The following DLG2 variants were observed in gnomAD, a reference collection of about 807,000 sequenced individuals.
The protein encoded by DLG2 is disks large homolog 2.
DLG2 carries 45 observed loss-of-function variants against 132.5 expected under a neutral mutation model. That is an observed-to-expected ratio of 0.34 (90% CI 0.27 to 0.44). DLG2 has a LOEUF of 0.44. Among genes scored for constraint, DLG2 ranks in the 20% least tolerant of loss-of-function variants. The probability of loss-of-function intolerance (pLI) is 1.00; values close to 1 mark genes in which losing one functional copy is unlikely to be tolerated. For synonymous variants in DLG2, 424 were observed against 419.6 expected (o/e 1.01, Z -0.13); for missense variants, 1,045 against 1,196.9 (o/e 0.87, Z 1.87).
At chr11:83,654,512 C>T (rs1226486673) in intron 18 of DLG2, among the ~76,000 whole-genome samples, 1 of 152,190 alleles carries the variant, frequency 6.6e-6, no homozygotes, top group Non-Finnish European at 1.5e-5. Context: ...TTACCATTTT[C>T]TCTTCCTGAG....
At chr11:83,844,380 A>G (rs1176520213) in intron 16 of DLG2, among the ~76,000 whole-genome samples, 1 of 57,868 alleles carries the variant, frequency 1.7e-5, no homozygotes, top group Non-Finnish European at 3.1e-5. Flanking sequence ...CTCCATCTCT[A>G]TTGAAAAAAA....
At chr11:83,864,788 A>G (rs147823297) in intron 16 of DLG2, among the ~76,000 whole-genome samples, 55 of 151,760 alleles carry the variant, frequency 3.6e-4, no homozygotes, top group African/African-American at 1.3e-3. Flanking sequence ...GGAATTTAAG[A>G]GTCTCTGAGG....
intron 4 of DLG2, among the ~76,000 whole-genome samples, chr11:85,278,162 G>A (rs1322390172): frequency 6.6e-6 from 1 of 152,164 alleles, no homozygotes; most frequent in Non-Finnish European, 1.5e-5. Context: ...TCAGACACAT[G>A]TTTATTAATC....
At chr11:83,795,062 T>G (rs915198051) in intron 17 of DLG2, among the ~76,000 whole-genome samples, 24 of 152,180 alleles carry the variant, frequency 1.6e-4, no homozygotes, top group African/African-American at 5.3e-4. Context: ...CTAGAACAAT[T>G]TCATTTATTG....
At chr11:83,609,192 G>C (rs1447231390) in intron 19 of DLG2, among the ~76,000 whole-genome samples, 3 of 152,180 alleles carry the variant, frequency 2.0e-5, no homozygotes, top group Non-Finnish European at 4.4e-5. Flanking sequence ...GGCACAAATG[G>C]CCTACAAATT....
At chr11:85,421,420 CT>C (rs879386240) in intron 3 of DLG2, among the ~76,000 whole-genome samples, 352 of 145,268 alleles carry the variant, frequency 2.4e-3, no homozygotes, top group Non-Finnish European at 2.2e-3. Context: ...ATCCCTCCCC[CT>C]TTTTTTTTTT....
intron 3 of DLG2, among the ~76,000 whole-genome samples, chr11:85,363,091 T>C (rs530564706): frequency 6.6e-6 from 1 of 152,334 alleles, no homozygotes; most frequent in African/African-American, 2.4e-5. Context: ...TTGTGATTTC[T>C]GGAGCAGTGG....
intron 6 of DLG2, among the ~76,000 whole-genome samples, chr11:84,821,964 T>C (rs570996198): frequency 3.3e-5 from 5 of 150,084 alleles, no homozygotes; most frequent in African/African-American, 1.2e-4. Context: ...ATTCAAAATA[T>C]CCTATAAAAA....
intron 3 of DLG2, among the ~76,000 whole-genome samples, chr11:85,424,387 T>C (rs997485002): frequency 2.6e-5 from 4 of 152,196 alleles, no homozygotes; most frequent in African/African-American, 9.7e-5. Flanking sequence ...CTTCATATGC[T>C]GCTCTGTCCA....
rs116968639 is a variant in DLG2, at chr11:83,599,630, G to A, written c.1940+33581C>T. Among the ~76,000 whole-genome samples, 7 of 152,152 alleles carry A rather than the reference G, an allele frequency of 4.6e-5. No individual in the cohort carries two copies. In the East Asian group the frequency reaches 1.4e-3, roughly 29 times the overall value. The stretch of plus-strand genomic sequence containing the variant: ...GCTCTTCATAACAGCGTAATACTGT[G>A]GAATTACCTGTGTAACTCCCACCGC... On this transcript the variant is annotated intron_variant, in intron 19 of 27. Transcript: ENST00000376104.
chr11:85,470,088 G>A (rs893249036), intron 3 of DLG2, among the ~76,000 whole-genome samples: 3 of 150,838 alleles, frequency 2.0e-5, no homozygotes, highest in Admixed American at 2.0e-4. Flanking sequence ...ATCTCACCAA[G>A]CTTTTGCATT....
At chr11:85,264,523 C>T (rs1320041553) in intron 4 of DLG2, among the ~76,000 whole-genome samples, 1 of 152,146 alleles carries the variant, frequency 6.6e-6, no homozygotes, top group Non-Finnish European at 1.5e-5. Flanking sequence ...TCATTAGATA[C>T]ATTTTTGATT....
At chr11:84,813,266 G>A (rs2076763539) in intron 6 of DLG2, among the ~76,000 whole-genome samples, 1 of 151,966 alleles carries the variant, frequency 6.6e-6, no homozygotes, top group Non-Finnish European at 1.5e-5. Context: ...GTAACACTAT[G>A]AGAGGTTGCC....
chr11:85,137,282 C>T (rs2076195552), intron 5 of DLG2, among the ~76,000 whole-genome samples: 1 of 152,084 alleles, frequency 6.6e-6, no homozygotes, highest in South Asian at 2.1e-4. Context: ...ATCTGAAGTA[C>T]TGGGGTAAAT....
chr11:84,074,255 C>T (rs187401556), intron 10 of DLG2, among the ~76,000 whole-genome samples: 17 of 152,274 alleles, frequency 1.1e-4, no homozygotes, highest in African/African-American at 3.9e-4. Flanking sequence ...CACCATCATA[C>T]ATTCAGTTTT....
chr11:84,636,430 C>T (rs2099640540), intron 6 of DLG2, among the ~76,000 whole-genome samples: 1 of 152,166 alleles, frequency 6.6e-6, no homozygotes, highest in African/African-American at 2.4e-5. Flanking sequence ...CCAAGTTATT[C>T]AACTACTAGT....
chr11:85,157,679 C>G (rs1330657390), intron 4 of DLG2, among the ~76,000 whole-genome samples: 1 of 152,112 alleles, frequency 6.6e-6, no homozygotes, highest in East Asian at 1.9e-4. Context: ...TAAGATTACC[C>G]TGAGTGAAAG....
intron 6 of DLG2, among the ~76,000 whole-genome samples, chr11:85,038,570 C>T (rs2061598395): frequency 6.6e-6 from 1 of 151,976 alleles, no homozygotes; most frequent in South Asian, 2.1e-4. Context: ...ATCATTCTTG[C>T]ATTATATCCC....
chr11:83,555,506 A>G (rs1041429187), intron 19 of DLG2, among the ~76,000 whole-genome samples: 2 of 152,212 alleles, frequency 1.3e-5, no homozygotes, highest in African/African-American at 4.8e-5. Context: ...TAGGATGGAC[A>G]GAGGTCTCAG....
Sources: gnomAD v4.1 joint callset for allele counts (sites outside exome capture counted in the v4.1 genomes callset) on GRCh38, gnomAD v4.1.1 for gene constraint, MANE v1.5 for transcripts, NCBI Gene and HGNC (gene_info 2026-07-23, HGNC 2026-07-21) for gene names.